COX16: variants seen among roughly 807,000 people sequenced by gnomAD.
COX16 encodes cytochrome c oxidase assembly factor COX16.
COX16 carries 12 observed loss-of-function variants against 15.4 expected under a neutral mutation model. The ratio of observed to expected loss-of-function variants is 0.78; its 90% CI spans 0.50 to 1.26. The LOEUF (loss-of-function observed/expected upper bound fraction) is 1.26, where lower values mean the gene tolerates loss of function less well. COX16 is among the 50% of genes most tolerant of loss of function. COX16 has a pLI of 0.00. For synonymous variants in COX16, 46 were observed against 41.1 expected (o/e 1.12, Z -0.46); for missense variants, 124 against 127.6 (o/e 0.97, Z 0.14).
intron 1 of COX16, among the ~76,000 whole-genome samples, chr14:70,353,625 C>T (rs1005110317): frequency 2.0e-5 from 3 of 151,614 alleles, no homozygotes; most frequent in Non-Finnish European, 2.9e-5. Flanking sequence ...GTAATTCTCC[C>T]GTCTCAGTCT....
intron 2 of COX16, among the ~76,000 whole-genome samples, chr14:70,337,163 A>G (rs1218780288): frequency 6.6e-6 from 1 of 152,222 alleles, no homozygotes; most frequent in Non-Finnish European, 1.5e-5. Context: ...TTGAAATTCT[A>G]GAACTGCATA....
At chr14:70,353,026 G>T (rs990995182) in intron 1 of COX16, among the ~76,000 whole-genome samples, 1 of 151,966 alleles carries the variant, frequency 6.6e-6, no homozygotes, top group African/African-American at 2.4e-5. Flanking sequence ...ACTTTGGGAG[G>T]CCAAGGCGGG....
intron 3 of COX16, among the ~76,000 whole-genome samples, chr14:70,327,643 C>T (rs929532640): frequency 6.6e-6 from 1 of 151,952 alleles, no homozygotes; most frequent in Non-Finnish European, 1.5e-5. Context: ...ATGAAATGAT[C>T]TAAAGTTATT....
At chr14:70,345,988 C>T (rs1190449234) in intron 1 of COX16, among the ~76,000 whole-genome samples, 1 of 152,092 alleles carries the variant, frequency 6.6e-6, no homozygotes, top group African/African-American at 2.4e-5. Context: ...ACACCATCCC[C>T]TCCTCGGGAC....
chr14:70,335,808 C>T (rs944423885), intron 2 of COX16, among the ~76,000 whole-genome samples: 1 of 152,040 alleles, frequency 6.6e-6, no homozygotes, highest in African/African-American at 2.4e-5. Flanking sequence ...AGATTTGAAG[C>T]ACAAATGAAT....
chr14:70,344,475 TCA>T (rs1424421542), intron 1 of COX16, among the ~76,000 whole-genome samples: 1 of 152,246 alleles, frequency 6.6e-6, no homozygotes, highest in Non-Finnish European at 1.5e-5. Flanking sequence ...CATAATTTCC[TCA>T]GTTATAATTT....
In COX16 at chr14:70,345,444, ACC is replaced by A. The variant is rs373651406; in HGVS notation, c.70-2717_70-2716del. On this transcript the variant is annotated intron_variant, in intron 1 of 3. Transcript: ENST00000389912. ...CCTTTTTCCCTGTTCTCCTGAGCCTACCCTCTGTTATGGGAAACTCCGGTCCT... is the reference window on the plus strand; with the variant it reads ...CCTTTTTCCCTGTTCTCCTGAGCCTACTCTGTTATGGGAAACTCCGGTCCT... 1.5e-3 allele frequency among the ~76,000 whole-genome samples: 224 copies of A among 152,068 alleles called. 2 individuals carry two copies. The highest frequency in any genetic ancestry group is 5.1e-3 in the African/African-American group (213 of 41,464).
At chr14:70,344,732 C>A (rs1886723460) in intron 1 of COX16, among the ~76,000 whole-genome samples, 1 of 152,136 alleles carries the variant, frequency 6.6e-6, no homozygotes, top group Non-Finnish European at 1.5e-5. Context: ...AGGCACAAGG[C>A]TACTTGTACC....
intron 1 of COX16, 80 bp downstream of exon 1, chr14:70,359,439 T>C (rs1887231228): frequency 6.1e-6 from 8 of 1,312,882 alleles, no homozygotes; most frequent in Non-Finnish European, 8.8e-6. Flanking sequence ...CTTCACATTT[T>C]ACAGATTCCC....
At chr14:70,355,690 G>T (rs1392681613) in intron 1 of COX16, among the ~76,000 whole-genome samples, 1 of 152,142 alleles carries the variant, frequency 6.6e-6, no homozygotes, top group Non-Finnish European at 1.5e-5. Flanking sequence ...AAATGTTCAA[G>T]ATATAATACA....
chr14:70,357,348 G>A (rs114521015), intron 1 of COX16, among the ~76,000 whole-genome samples: 1 of 152,004 alleles, frequency 6.6e-6, no homozygotes, highest in Non-Finnish European at 1.5e-5. Context: ...CAATGTATAT[G>A]CCCAAGAAAG....
In COX16 at chr14:70,344,083, GC is replaced by G. The variant is rs145688150; in HGVS notation, c.70-1355del. ...TGGGTGGGATGGCAGAACTGGTTGAGCCCAATTACCCGTCTGGGTAATGTCA... is the reference window on the plus strand; with the variant it reads ...TGGGTGGGATGGCAGAACTGGTTGAGCCAATTACCCGTCTGGGTAATGTCA... On this transcript the variant is annotated intron_variant, in intron 1 of 3. Transcript: ENST00000389912. 4.3e-3 allele frequency among the ~76,000 whole-genome samples: 654 copies of G among 152,290 alleles called. 9 individuals carry two copies. Among genetic ancestry groups the G allele is most frequent in the African/African-American group, 0.015 (633 of 41,544 alleles).
Position 70,359,208 on chromosome 14 carries a change from A to T in COX16, c.69+311T>A, listed in dbSNP as rs1312608431. Reference sequence around the variant, plus strand: ...GTTCTGACTGAATTCTCTGAGCTTCAATTTACTTAACTGTGAATCAAGGGT... The same window carrying T: ...GTTCTGACTGAATTCTCTGAGCTTCTATTTACTTAACTGTGAATCAAGGGT... On this transcript the variant is annotated intron_variant, in intron 1 of 3. Coordinates refer to ENST00000389912, the MANE Select transcript of COX16 (RefSeq NM_016468.7). The T allele has an allele frequency of 9.8e-5, 49 of 501,566 alleles. 1 individual carries two copies. Among genetic ancestry groups the T allele is most frequent in the South Asian group, 7.4e-4 (48 of 64,962 alleles). The allele number at this position is 501,566 out of a possible 1,614,324, so 31.1% of individuals were successfully genotyped here. A position where few individuals can be genotyped will look rare whatever the true frequency, so the allele number is the denominator to read the frequency against.
chr14:70,326,249 C>T lies in COX16; in HGVS notation c.*84G>A. Reference sequence around the variant, plus strand: ...TTCCATGGGCCTGGAATTTCCTTTCCACTTGATAGAAGTATATATTAGGAA... The same window carrying T: ...TTCCATGGGCCTGGAATTTCCTTTCTACTTGATAGAAGTATATATTAGGAA... On this transcript the variant is annotated 3_prime_UTR_variant, in exon 4 of 4. Coordinates refer to ENST00000389912, the MANE Select transcript of COX16 (RefSeq NM_016468.7). 1.8e-6 allele frequency: 2 copies of T among 1,128,366 alleles called. No individual in the cohort carries two copies. Among genetic ancestry groups the T allele is most frequent in the Non-Finnish European group, 2.3e-6 (2 of 871,990 alleles). 69.9% of individuals were successfully genotyped at this position (1,128,366 alleles called of 1,614,324 possible).
At chr14:70,334,126 A>ATCCATTT in intron 2 of COX16, among the ~76,000 whole-genome samples, 1 of 152,230 alleles carries the variant, frequency 6.6e-6, no homozygotes, top group Non-Finnish European at 1.5e-5. Context: ...TGCATGATAT[A>ATCCATTT]CTAATACTGC....
chr14:70,345,208 G>A (rs1886741494), intron 1 of COX16, among the ~76,000 whole-genome samples: 1 of 152,170 alleles, frequency 6.6e-6, no homozygotes, highest in African/African-American at 2.4e-5. Flanking sequence ...GTTTCCTCAG[G>A]GGCCCAGTTA....
At chr14:70,334,248 C>T (rs551735388) in intron 2 of COX16, among the ~76,000 whole-genome samples, 7 of 152,148 alleles carry the variant, frequency 4.6e-5, no homozygotes, top group East Asian at 1.9e-4. Flanking sequence ...TGTGGCCAGG[C>T]GCAGTGGCTC....
intron 2 of COX16, among the ~76,000 whole-genome samples, chr14:70,341,234 T>G (rs1484452746): frequency 2.6e-5 from 4 of 152,178 alleles, no homozygotes; most frequent in African/African-American, 9.7e-5. Flanking sequence ...TAAGTAAAAT[T>G]CCTCATTAAA....
At chr14:70,328,193 A>G (rs1447930685) in intron 3 of COX16, 1 of 149,268 alleles carries the variant, frequency 6.7e-6, no homozygotes, top group African/African-American at 2.5e-5. Context: ...CCAAGCCTTG[A>G]CAAGATTCTC....
Sources: gnomAD v4.1 joint callset for allele counts (sites outside exome capture counted in the v4.1 genomes callset) on GRCh38, gnomAD v4.1.1 for gene constraint, MANE v1.5 for transcripts, NCBI Gene and HGNC (gene_info 2026-07-23, HGNC 2026-07-21) for gene names.